The following SAMD5 variants were observed in gnomAD, a reference collection of about 807,000 sequenced individuals.
SAMD5 encodes the protein sterile alpha motif domain-containing protein 5.
A neutral mutation model predicts 11.3 loss-of-function variants in SAMD5; 13 were observed. The ratio of observed to expected loss-of-function variants is 1.15; its 90% confidence interval spans 0.75 to 1.83. SAMD5 has a LOEUF of 1.83. SAMD5 is among the 40% of genes most tolerant of loss of function. SAMD5 has a pLI of 0.00. For missense variants in SAMD5, 255 were observed against 239.1 expected, an observed-to-expected ratio of 1.07 and a Z score of -0.44; for synonymous variants, 129 against 111.3, an observed-to-expected ratio of 1.16 and a Z score of -1.00.
chr6:147,810,315 G>A, the SAMD5 span, among the ~76,000 whole-genome samples: 12 of 152,122 alleles, frequency 7.9e-5, no homozygotes, highest in Non-Finnish European at 1.6e-4. Flanking sequence ...AATAAAGTCT[G>A]GTTCTATTAA....
the SAMD5 span, among the ~76,000 whole-genome samples, chr6:147,772,265 C>G: frequency 1.3e-5 from 2 of 152,022 alleles, no homozygotes; most frequent in East Asian, 1.9e-4. Context: ...TCAAATGAAA[C>G]AGAGAGCACT....
chr6:147,622,642 G>C (rs772667627), intron 1 of SAMD5, among the ~76,000 whole-genome samples: 1 of 152,168 alleles, frequency 6.6e-6, no homozygotes, highest in Non-Finnish European at 1.5e-5. Context: ...TGGTGAAAAT[G>C]GGCTTTCTCC....
At chr6:147,874,981 C>T in the SAMD5 span, among the ~76,000 whole-genome samples, 2 of 152,062 alleles carry the variant, frequency 1.3e-5, no homozygotes, top group Non-Finnish European at 2.9e-5. Context: ...AAGAGAGGAA[C>T]TCTCTTAATT....
Position 147,564,567 on chromosome 6 carries a change from T to C in SAMD5, c.*111T>C. 1 of 1,201,820 alleles carries C rather than the reference T, an allele frequency of 8.3e-7. No homozygotes were observed. Among genetic ancestry groups the C allele is most frequent in the Non-Finnish European group, 1.2e-6 (1 of 845,554 alleles). 74.4% of individuals were successfully genotyped at this position (1,201,820 alleles called of 1,614,324 possible). A position where few individuals can be genotyped will look rare whatever the true frequency, so the allele number is the denominator to read the frequency against. On this transcript the variant is annotated 3_prime_UTR_variant, in exon 2 of 2. Coordinates refer to ENST00000367474, the MANE Select transcript of SAMD5 (RefSeq NM_001030060.3). ...AAATGGATGATGACCCTGGAAATAC[T>C]CATCAGCTTAACTTTTTGCTTGGAC...
chr6:147,868,282 A>G, the SAMD5 span, among the ~76,000 whole-genome samples: 1 of 152,212 alleles, frequency 6.6e-6, no homozygotes, highest in Non-Finnish European at 1.5e-5. Context: ...TTTGTTACTA[A>G]GTAAAGTAGT....
chr6:147,835,823 C>A, the SAMD5 span, among the ~76,000 whole-genome samples: 88 of 152,316 alleles, frequency 5.8e-4, no homozygotes, highest in African/African-American at 1.9e-3. Context: ...ACCTCCTTGT[C>A]TCCAGCTCTC....
At chr6:147,816,214 A>G in the SAMD5 span, among the ~76,000 whole-genome samples, 1 of 138,686 alleles carries the variant, frequency 7.2e-6, no homozygotes, top group Non-Finnish European at 1.5e-5. Context: ...CAGGAGAAAG[A>G]GGTTGCTGTG....
the SAMD5 span, among the ~76,000 whole-genome samples, chr6:147,935,499 G>T: frequency 6.6e-6 from 1 of 152,164 alleles, no homozygotes; most frequent in Non-Finnish European, 1.5e-5. Context: ...TCATAGTTAA[G>T]GTGATGTCCT....
chr6:147,579,388 C>A (rs1789262944), intron 1 of SAMD5, among the ~76,000 whole-genome samples: 1 of 150,454 alleles, frequency 6.6e-6, no homozygotes, highest in African/African-American at 2.4e-5. Flanking sequence ...AGTGGCTTTG[C>A]AGTCTAGGCT....
At chr6:147,526,773 G>C (rs1583068620) in intron 1 of SAMD5, among the ~76,000 whole-genome samples, 1 of 152,248 alleles carries the variant, frequency 6.6e-6, no homozygotes, top group East Asian at 1.9e-4. Context: ...AAAAGTGCGA[G>C]GTTTGGATTG....
At position 147,673,598 on chromosome 6, in the gene SAMD5, A is replaced by G. The variant is rs773667252; in HGVS notation, c.163-63719A>G. Among the ~76,000 whole-genome samples the G allele has an allele frequency of 5.3e-5, 8 of 150,520 alleles. 1 individual carries two copies. In the East Asian group the frequency reaches 9.6e-4, roughly 18 times the overall value. On this transcript the variant is annotated intron_variant, in intron 1 of 1. Coordinates refer to the SAMD5 transcript ENST00000566741. ...GACACTTCCTCTATTTATTGATGGTATCAGGTTTTTTTTTCCTGGCTTAAT... is the reference window on the plus strand; with the variant it reads ...GACACTTCCTCTATTTATTGATGGTGTCAGGTTTTTTTTTCCTGGCTTAAT...
intron 1 of SAMD5, among the ~76,000 whole-genome samples, chr6:147,696,146 C>T (rs1791172720): frequency 1.3e-5 from 2 of 152,034 alleles, no homozygotes. Context: ...CTTCTGTGCT[C>T]TTTGTCTCAA....
the SAMD5 span, among the ~76,000 whole-genome samples, chr6:147,851,016 G>C: frequency 7.0e-6 from 1 of 143,194 alleles, no homozygotes; most frequent in Non-Finnish European, 1.5e-5. Context: ...GCGTGATCTT[G>C]GCTCACTGAA....
At chr6:147,817,977 C>T in the SAMD5 span, among the ~76,000 whole-genome samples, 18 of 152,032 alleles carry the variant, frequency 1.2e-4, no homozygotes, top group Non-Finnish European at 2.2e-4. Flanking sequence ...CACATTTCAG[C>T]GAAAAGAAAT....
chr6:147,566,253 T>C lies in SAMD5; in HGVS notation c.*1797T>C, dbSNP rs1583086570. 1.0e-6 allele frequency: 1 copy of C among 979,932 alleles called. No individual in the cohort carries two copies. The highest frequency in any genetic ancestry group is 4.7e-5 in the South Asian group (1 of 21,172). 60.7% of individuals were successfully genotyped at this position (979,932 alleles called of 1,614,324 possible). On this transcript the variant is annotated 3_prime_UTR_variant, in exon 2 of 2. Coordinates refer to ENST00000367474, the MANE Select transcript of SAMD5 (RefSeq NM_001030060.3). ...CCTTAAATTATACAAAAGCTTTTAG[T>C]TTCATCAGGATTATATTCCAGTTAA...
chr6:147,926,347 G>A, the SAMD5 span, among the ~76,000 whole-genome samples: 1 of 152,020 alleles, frequency 6.6e-6, no homozygotes, highest in African/African-American at 2.4e-5. Context: ...ACCAGCATCT[G>A]TTATTTTTTT....
the SAMD5 span, among the ~76,000 whole-genome samples, chr6:147,918,373 T>C: frequency 6.6e-6 from 1 of 152,118 alleles, no homozygotes; most frequent in African/African-American, 2.4e-5. Flanking sequence ...TTGTCTGTTA[T>C]TGGTGTATAA....
the SAMD5 span, chr6:147,953,930 C>T: frequency 6.6e-6 from 1 of 151,924 alleles, no homozygotes; most frequent in Non-Finnish European, 1.5e-5. Flanking sequence ...AAATTAAAAC[C>T]GTTTAAATTT....
chr6:147,663,983 T>C (rs1193408950), intron 1 of SAMD5, among the ~76,000 whole-genome samples: 1 of 151,918 alleles, frequency 6.6e-6, no homozygotes, highest in East Asian at 1.9e-4. Context: ...TTCTAACAGA[T>C]TAAGCTTGGA....
Sources: gnomAD v4.1 joint callset for allele counts (sites outside exome capture counted in the v4.1 genomes callset) on GRCh38, gnomAD v4.1.1 for gene constraint, MANE v1.5 for transcripts, NCBI Gene and HGNC (gene_info 2026-07-23, HGNC 2026-07-21) for gene names.